SLC46A3: variants seen among roughly 807,000 people sequenced by gnomAD.
The protein encoded by SLC46A3 is solute carrier family 46 member 3.
Under a neutral mutation model 38.5 loss-of-function variants are expected in SLC46A3, and 26 were observed. That is an observed-to-expected ratio of 0.68 (90% CI 0.49 to 0.94). The LOEUF is 0.94. Ranked by LOEUF, SLC46A3 falls within the 40% of genes least tolerant of loss-of-function variation. The pLI is 0.00. For synonymous variants in SLC46A3, 185 were observed against 192.5 expected (o/e 0.96, Z 0.32); for missense variants, 510 against 544.3 (o/e 0.94, Z 0.63).
rs1885002286 is a variant in SLC46A3, at chr13:28,701,061, T to A, written c.*436A>T. The A allele has an allele frequency of 4.7e-6, 7 of 1,492,478 alleles. No homozygotes were observed. Among genetic ancestry groups the A allele is most frequent in the Middle Eastern group, 1.8e-4 (1 of 5,604 alleles). The allele number at this position is 1,492,478 out of a possible 1,614,324, so 92.5% of individuals were successfully genotyped here. On this transcript the variant is annotated 3_prime_UTR_variant, in exon 6 of 6. Coordinates refer to ENST00000266943, the MANE Select transcript of SLC46A3 (RefSeq NM_181785.4). ...GATTCATCATAATTTTCATTATGCC[T>A]TCAAAATTATCCCTGAGAGAGGCCA... is the stretch of plus-strand genomic sequence containing the variant.
rs1885006858 is a variant in SLC46A3, at chr13:28,701,258, T to C, written c.*239A>G. On this transcript the variant is annotated 3_prime_UTR_variant, in exon 6 of 6. Coordinates refer to ENST00000266943, the MANE Select transcript of SLC46A3 (RefSeq NM_181785.4). ...CTTCTAAGTCTAAAAGTGAGGCGTA[T>C]TTGAAATTTGTTCTGTGTATTGCAA... The C allele has an allele frequency of 7.2e-7, 1 of 1,395,086 alleles. No individual in the cohort carries two copies. Among genetic ancestry groups the C allele is most frequent in the Non-Finnish European group, 9.3e-7 (1 of 1,078,038 alleles). The allele number at this position is 1,395,086 out of a possible 1,614,324, so 86.4% of individuals were successfully genotyped here. A position where few individuals can be genotyped will look rare whatever the true frequency, so the allele number is the denominator to read the frequency against.
intron 4 of SLC46A3, among the ~76,000 whole-genome samples, chr13:28,709,726 T>A (rs1885288295): frequency 6.6e-6 from 1 of 152,204 alleles, no homozygotes; most frequent in Non-Finnish European, 1.5e-5. Context: ...CTGGCCCGAG[T>A]TCCTGCTGCA....
In SLC46A3 at chr13:28,701,060, C is replaced by G. The variant is rs1449024981; in HGVS notation, c.*437G>C. On this transcript the variant is annotated 3_prime_UTR_variant, in exon 6 of 6. Transcript: ENST00000266943. ...TGATTCATCATAATTTTCATTATGC[C>G]TTCAAAATTATCCCTGAGAGAGGCC... 22 of 1,492,322 alleles carry G rather than the reference C, an allele frequency of 1.5e-5. No homozygotes were observed. The highest frequency in any genetic ancestry group is 2.4e-5 in the Admixed American group (1 of 42,202). 92.4% of individuals were successfully genotyped at this position (1,492,322 alleles called of 1,614,324 possible).
At position 28,710,820 on chromosome 13, in the gene SLC46A3, T is replaced by G. The variant is rs761935490; in HGVS notation, c.1084A>C (p.Ile362Leu). 7.4e-6 allele frequency: 12 copies of G among 1,613,800 alleles called. No individual in the cohort carries two copies. In the East Asian group the frequency reaches 2.5e-4, roughly 33 times the overall value. Residue 362 changes from isoleucine to leucine, a missense_variant, in exon 4 of 6, where the codon ATT (isoleucine) becomes CTT (leucine). Coordinates refer to ENST00000266943, the MANE Select transcript of SLC46A3 (RefSeq NM_181785.4). Reference protein sequence around the residue: ...FLARVPFLFTIVPFSVLRSML... With the variant: ...FLARVPFLFTLVPFSVLRSML... ...GACCGTAGAACAGAGAATGGCACAA[T>G]AGTGAAAAGGAACGGCACCCTGGCT... is the stretch of plus-strand genomic sequence containing the variant.
At position 28,713,378 on chromosome 13, in the gene SLC46A3, A is replaced by C. The variant is rs1189761369; in HGVS notation, c.362T>G (p.Leu121Arg). 3 of 1,613,978 alleles carry C rather than the reference A, an allele frequency of 1.9e-6. No individual in the cohort carries two copies. Among genetic ancestry groups the C allele is most frequent in the African/African-American group, 2.7e-5 (2 of 74,942 alleles). Reference protein sequence around the residue: ...ALATSVWLCLLCYFAFPFQLL... With the variant: ...ALATSVWLCLRCYFAFPFQLL... ...CTGGAATGGAAAGGCAAAATAGCAA[A>C]GCAAACAGAGCCAAACGCTGGTTGC... Residue 121 changes from leucine (L) to arginine (R), a missense_variant, in exon 3 of 6, where the codon CTT becomes CGT. By Grantham distance (102) the Leu-to-Arg change is moderately radical (BLOSUM62 -2). Transcript: ENST00000266943.
rs1025814767 is a variant in SLC46A3 at position 28,700,998 on chromosome 13, T to C, written c.*499A>G. 6.6e-7 allele frequency: 1 copy of C among 1,524,486 alleles called. No individual in the cohort carries two copies. Among genetic ancestry groups the C allele is most frequent in the Non-Finnish European group, 8.8e-7 (1 of 1,133,282 alleles). 94.4% of individuals were successfully genotyped at this position (1,524,486 alleles called of 1,614,324 possible). On this transcript the variant is annotated 3_prime_UTR_variant, in exon 6 of 6. Coordinates refer to ENST00000266943, the MANE Select transcript of SLC46A3 (RefSeq NM_181785.4). Reference sequence around the variant, plus strand: ...TACCAAGTATAGGTAAAATCATACATATTTGAAACTTATATCATTATTTTC... The same window carrying C: ...TACCAAGTATAGGTAAAATCATACACATTTGAAACTTATATCATTATTTTC...
At position 28,713,394 on chromosome 13, in the gene SLC46A3, C is replaced by T. The variant is rs759574136; in HGVS notation, c.346G>A (p.Val116Ile). 5.0e-6 allele frequency: 8 copies of T among 1,613,916 alleles called. No homozygotes were observed. Among genetic ancestry groups the T allele is most frequent in the Admixed American group, 3.3e-5 (2 of 59,996 alleles). ...AAATAGCAAAGCAAACAGAGCCAAA[C>T]GCTGGTTGCAAGAGCACCAACGGAA... ...LSSVGALATS[V>I]WLCLLCYFAF... The change falls in exon 3 of 6, where the codon GTT (valine) becomes ATT (isoleucine). Residue 116 changes from valine (V) to isoleucine (I), a missense_variant. By Grantham distance (29) the Val-to-Ile change is conservative (BLOSUM62 3). Transcript: ENST00000266943.
Position 28,712,683 on chromosome 13 carries a change from A to C in SLC46A3, c.1057T>G (p.Leu353Val), listed in dbSNP as rs748337887. The C allele has an allele frequency of 5.7e-6, 9 of 1,571,782 alleles. 1 individual carries two copies. Among genetic ancestry groups the C allele is most frequent in the Non-Finnish European group, 5.1e-6 (6 of 1,166,518 alleles). ...TAAAGCTACACTTGGAACTCACCTA[A>C]AAACATCATCAGTGTTGTACTGGCA... ...AFASTTLMMF[L>V]ARVPFLFTIV... Residue 353 changes from leucine (L) to valine (V), a missense_variant, in exon 3 of 6, where the codon TTA becomes GTA. Physicochemically the swap from Leu to Val is conservative, Grantham distance 32. Transcript: ENST00000266943.
Position 28,700,840 on chromosome 13 carries a change from T to TA in SLC46A3, c.*656dup, listed in dbSNP as rs3831478. 74,951 of 822,654 alleles carry TA rather than the reference T, an allele frequency of 0.091. 5,602 individuals carry two copies. The highest frequency in any genetic ancestry group is 0.32 in the East Asian group (11,619 of 36,312). The allele number at this position is 822,654 out of a possible 1,614,324, so 51.0% of individuals were successfully genotyped here. On this transcript the variant is annotated 3_prime_UTR_variant, in exon 6 of 6. Transcript: ENST00000266943. ...AGAAAAGTGAAAAATACATATTCTTTAAAGTGCCTCCCTTTTAAGGATTTT... is the reference window on the plus strand; with the variant it reads ...AGAAAAGTGAAAAATACATATTCTTTAAAAGTGCCTCCCTTTTAAGGATTTT...
chr13:28,715,772 G>T (rs1885510929), intron 2 of SLC46A3, among the ~76,000 whole-genome samples: 1 of 152,160 alleles, frequency 6.6e-6, no homozygotes, highest in Non-Finnish European at 1.5e-5. Context: ...AGCCTGATCT[G>T]ATCACTATAC....
In SLC46A3 at chr13:28,701,349, C is replaced by G; in HGVS notation, c.*148G>C. The stretch of plus-strand genomic sequence containing the variant: ...TACCACAAGAAGCTAAAGCCAGGAG[C>G]TGTCTCTCTGACTGTTCAGTTTAGA... On this transcript the variant is annotated 3_prime_UTR_variant, in exon 6 of 6. Transcript: ENST00000266943. The G allele has an allele frequency of 1.4e-6, 2 of 1,436,400 alleles. No individual in the cohort carries two copies. The highest frequency in any genetic ancestry group is 2.5e-5 in the East Asian group (1 of 39,742). 89.0% of individuals were successfully genotyped at this position (1,436,400 alleles called of 1,614,324 possible). A position where few individuals can be genotyped will look rare whatever the true frequency, so the allele number is the denominator to read the frequency against.
At chr13:28,718,067 A>C in intron 1 of SLC46A3, 45 bp from the exon 2 acceptor site, 1 of 1,495,778 alleles carries the variant, frequency 6.7e-7, no homozygotes, top group African/African-American at 1.4e-5. Flanking sequence ...CTCATCCCAG[A>C]GGCTAGATAT....
intron 4 of SLC46A3, among the ~76,000 whole-genome samples, chr13:28,708,696 G>T (rs1398786710): frequency 6.6e-6 from 1 of 150,398 alleles, no homozygotes; most frequent in Admixed American, 6.6e-5. Flanking sequence ...CCTAACCTCG[G>T]GTCATCCACC....
Position 28,700,679 on chromosome 13 carries a change from A to G in SLC46A3, c.*818T>C, listed in dbSNP as rs1196245466. 7 of 324,244 alleles carry G rather than the reference A, an allele frequency of 2.2e-5. No individual in the cohort carries two copies. The East Asian group carries it at 3.6e-4, about 17-fold the overall frequency. The allele number at this position is 324,244 out of a possible 1,614,324, so 20.1% of individuals were successfully genotyped here. A position where few individuals can be genotyped will look rare whatever the true frequency, so the allele number is the denominator to read the frequency against. ...GGAACAAATGTTGGCTCCAAACATT[A>G]GTTACTTTATACCAGTATTAGCTGT... On this transcript the variant is annotated 3_prime_UTR_variant, in exon 6 of 6. Transcript: ENST00000266943.
At chr13:28,715,075 C>T (rs1450670125) in intron 2 of SLC46A3, among the ~76,000 whole-genome samples, 6 of 152,132 alleles carry the variant, frequency 3.9e-5, no homozygotes, top group African/African-American at 1.2e-4. Flanking sequence ...ATGGTGGTGC[C>T]TCCTGGGAAA....
rs1885424310 is a variant in SLC46A3, at chr13:28,713,281, G to A, written c.459C>T (p.Ala153=). The change falls in exon 3 of 6, where the codon GCC becomes GCT. Residue 153 remains alanine (A), a synonymous_variant. Transcript: ENST00000266943. Reference sequence around the variant, plus strand: ...GTTCTTTACACTGATCAACTATATAGGCAAAGCAAGCTCCCCAAAATGTGG... The same window carrying A: ...GTTCTTTACACTGATCAACTATATAAGCAAAGCAAGCTCCCCAAAATGTGG... ...NYTTFWGACF[A]YIVDQCKEHK... The A allele has an allele frequency of 6.2e-7, 1 of 1,613,848 alleles. No individual in the cohort carries two copies.
At chr13:28,708,589 A>C (rs1398654507) in intron 4 of SLC46A3, among the ~76,000 whole-genome samples, 1 of 142,614 alleles carries the variant, frequency 7.0e-6, no homozygotes, top group African/African-American at 2.6e-5. Context: ...GTCGGTTGTC[A>C]TTTCACTTTC....
chr13:28,710,686 T>G (rs1188997610), intron 4 of SLC46A3, 74 bp downstream of exon 4: 6 of 1,128,844 alleles, frequency 5.3e-6, no homozygotes, highest in Non-Finnish European at 8.0e-6. Context: ...TTCTGAAGCA[T>G]TAAACATTGA....
chr13:28,706,077 G>GT (rs553307006), intron 4 of SLC46A3, among the ~76,000 whole-genome samples: 48 of 150,124 alleles, frequency 3.2e-4, no homozygotes, highest in African/African-American at 6.3e-4. Flanking sequence ...TCTAAATTCT[G>GT]TTTTTTTTTA....
Sources: allele counts gnomAD v4.1 joint callset (sites outside exome capture counted in the v4.1 genomes callset), GRCh38; gene constraint gnomAD v4.1.1; transcripts MANE v1.5; gene names NCBI Gene and HGNC (gene_info 2026-07-23, HGNC 2026-07-21).